Variants in GDI2 observed in about 807,000 individuals in gnomAD.
GDI2 encodes the protein rab GDP dissociation inhibitor beta.
A neutral mutation model predicts 54.2 loss-of-function variants in GDI2; 22 were observed. The observed-to-expected ratio is 0.41, with a 90% CI of 0.29 to 0.58. The LOEUF is 0.58. Ranked by LOEUF, GDI2 falls within the 20% of genes least tolerant of loss-of-function variation. The pLI, the probability that GDI2 is intolerant of heterozygous loss-of-function variation, is 0.35. For synonymous variants in GDI2, 177 were observed against 182.1 expected, an observed-to-expected ratio of 0.97 and a Z score of 0.23; for missense variants, 422 against 546.0, an observed-to-expected ratio of 0.77 and a Z score of 2.26.
rs1841517340 is a variant in GDI2 at position 5,813,381 on chromosome 10, G to T, written c.-123C>A. Reference sequence around the variant, plus strand: ...AAGGGGAAGAGAAAGAGAGGAAAATGGAGCTGGCGACAAGGCGAGACCGAC... The same window carrying T: ...AAGGGGAAGAGAAAGAGAGGAAAATTGAGCTGGCGACAAGGCGAGACCGAC... On this transcript the variant is annotated 5_prime_UTR_variant, in exon 1 of 11. Coordinates refer to ENST00000380191, the MANE Select transcript of GDI2 (RefSeq NM_001494.4). The T allele has an allele frequency of 1.3e-5, 9 of 672,082 alleles. 1 individual carries two copies. The highest frequency in any genetic ancestry group is 2.0e-5 in the Non-Finnish European group (8 of 401,474). 41.6% of individuals were successfully genotyped at this position (672,082 alleles called of 1,614,324 possible).
At chr10:5,777,355 C>T (rs1312211717) in intron 6 of GDI2, among the ~76,000 whole-genome samples, 1 of 152,144 alleles carries the variant, frequency 6.6e-6, no homozygotes, top group Non-Finnish European at 1.5e-5. Context: ...TGCCTGAAAT[C>T]CCAGCTACTC....
At chr10:5,782,655 C>T (rs560420334) in intron 6 of GDI2, among the ~76,000 whole-genome samples, 24 of 152,236 alleles carry the variant, frequency 1.6e-4, no homozygotes, top group African/African-American at 5.3e-4. Context: ...AAGAATTGGC[C>T]AGGCACAATG....
At position 5,776,946 on chromosome 10, in the gene GDI2, T is replaced by C. The variant is rs572222312; in HGVS notation, c.720-3005A>G. On this transcript the variant is annotated intron_variant, in intron 6 of 10. Transcript: ENST00000380191. This position sits in a 1 kb window ranked among gnomAD's most constrained non-coding sequence, Gnocchi z 5.3. ...AAAAAAATTAAAAGGGAAAACCACA[T>C]AGAAGGGTAATCCCGGAAATGCTTC... 167 of 575,144 alleles carry C rather than the reference T, an allele frequency of 2.9e-4. 1 individual carries two copies. The highest frequency in any genetic ancestry group is 8.7e-4 in the Admixed American group (25 of 28,774). 35.6% of individuals were successfully genotyped at this position (575,144 alleles called of 1,614,324 possible).
At chr10:5,793,521 T>C (rs1841063483) in intron 4 of GDI2, among the ~76,000 whole-genome samples, 2 of 152,214 alleles carry the variant, frequency 1.3e-5, no homozygotes, top group African/African-American at 4.8e-5. Context: ...GCTATGTCTT[T>C]AATATTTTAT....
In GDI2 at chr10:5,799,592, T is replaced by C. The variant is rs114966216; in HGVS notation, c.153+1006A>G. On this transcript the variant is annotated intron_variant, in intron 2 of 10. Coordinates refer to ENST00000380191, the MANE Select transcript of GDI2 (RefSeq NM_001494.4). ...ACCTGAACCCAGAAGGTGGAAGCCA[T>C]AGGGAGGCGAGACTGTGCCACTGCA... 8.5e-3 allele frequency among the ~76,000 whole-genome samples: 1,298 copies of C among 152,064 alleles called. 19 individuals are homozygous for C. Among genetic ancestry groups the C allele is most frequent in the African/African-American group, 0.026 (1,073 of 41,488 alleles).
intron 1 of GDI2, among the ~76,000 whole-genome samples, chr10:5,803,542 GCTACAAC>G (rs1194302836): frequency 1.3e-5 from 2 of 152,088 alleles, no homozygotes; most frequent in African/African-American, 2.4e-5. Flanking sequence ...AATATCAATA[GCTACAAC>G]CTTTATAAAC....
At chr10:5,786,295 C>T (rs573867035) in intron 4 of GDI2, among the ~76,000 whole-genome samples, 8 of 151,544 alleles carry the variant, frequency 5.3e-5, no homozygotes, top group Admixed American at 5.3e-4. Context: ...CTCAGCCTCC[C>T]GAGTAGCTGG....
chr10:5,795,127 C>A, intron 3 of GDI2, 108 bp from the exon 4 acceptor site: 1 of 697,692 alleles, frequency 1.4e-6, no homozygotes, highest in East Asian at 2.7e-5. Context: ...TCAATAACTC[C>A]AACAAAATAA....
chr10:5,811,887 T>C lies in GDI2; in HGVS notation c.45+1327A>G, dbSNP rs1173202862. 5.5e-6 allele frequency: 6 copies of C among 1,096,512 alleles called. No individual in the cohort carries two copies. In the East Asian group the frequency reaches 4.0e-4, roughly 73 times the overall value. The allele number at this position is 1,096,512 out of a possible 1,614,324, so 67.9% of individuals were successfully genotyped here. On this transcript the variant is annotated intron_variant, in intron 1 of 10. Coordinates refer to ENST00000380191, the MANE Select transcript of GDI2 (RefSeq NM_001494.4). ...TTCTTCACAAACCTTTCCTAAAAAA[T>C]TAGCCAAATAAAAGTTCGAAGGTTT...
At chr10:5,780,522 TATAAAACTA>T (rs1308412651) in intron 6 of GDI2, among the ~76,000 whole-genome samples, 1 of 133,316 alleles carries the variant, frequency 7.5e-6, no homozygotes, top group African/African-American at 2.6e-5. Flanking sequence ...CTAAGAAATA[TATAAAACTA>T]GAAAAACTAG....
At chr10:5,789,008 C>T (rs1232113748) in intron 4 of GDI2, among the ~76,000 whole-genome samples, 1 of 152,190 alleles carries the variant, frequency 6.6e-6, no homozygotes, top group Admixed American at 6.5e-5. Flanking sequence ...CTCAAGTGAT[C>T]CGCCTGCCTC....
chr10:5,795,960 T>A (rs767076040), intron 3 of GDI2, among the ~76,000 whole-genome samples: 8 of 151,108 alleles, frequency 5.3e-5, no homozygotes, highest in African/African-American at 1.9e-4. Flanking sequence ...GAATATAAAC[T>A]CAAACAAGGA....
intron 5 of GDI2, 65 bp from the exon 6 acceptor site, chr10:5,785,338 A>AT (rs146242680): frequency 3.7e-5 from 46 of 1,231,234 alleles, no homozygotes; most frequent in South Asian, 7.5e-5. Flanking sequence ...TCAATTTATA[A>AT]TTTTTTTTGA....
Position 5,773,900 on chromosome 10 carries a change from G to A in GDI2, c.761C>T (p.Pro254Leu). 1 of 1,562,054 alleles carries A rather than the reference G, an allele frequency of 6.4e-7. No individual in the cohort carries two copies. Among genetic ancestry groups the A allele is most frequent in the African/African-American group, 1.4e-5 (1 of 73,712 alleles). The change falls in exon 7 of 11, where the codon CCC becomes CTC. Residue 254 changes from proline to leucine, a missense_variant. By Grantham distance (98) the Pro-to-Leu change is moderately conservative. Coordinates refer to ENST00000380191, the MANE Select transcript of GDI2 (RefSeq NM_001494.4). ...ATTCTGTACAATGATTTCTTCAATG[G>A]GTTTATTCAGCATATAGGTACCTCC... The part of the protein sequence containing the change: ...IYGGTYMLNK[P>L]IEEIIVQNGK...
In GDI2 at chr10:5,813,194, C is replaced by T. The variant is rs1036045478; in HGVS notation, c.45+20G>A. The T allele has an allele frequency of 6.6e-6, 10 of 1,525,272 alleles. No individual in the cohort carries two copies. The highest frequency in any genetic ancestry group is 2.8e-5 in the African/African-American group (2 of 71,414). The allele number at this position is 1,525,272 out of a possible 1,614,324, so 94.5% of individuals were successfully genotyped here. The stretch of plus-strand genomic sequence containing the variant: ...CCCGCCCCGGCTGCTCAGCCCCGGC[C>T]CCTCAGCCCTGGCGCCCACCGTCAG... On this transcript the variant is annotated intron_variant, in intron 1 of 10. Coordinates refer to ENST00000380191, the MANE Select transcript of GDI2 (RefSeq NM_001494.4).
intron 2 of GDI2, 107 bp from the exon 3 acceptor site, chr10:5,796,969 T>C: frequency 1.7e-6 from 1 of 594,608 alleles, no homozygotes; most frequent in South Asian, 2.3e-5. Context: ...AACACCACCA[T>C]GCTAGTAAAG....
At chr10:5,782,794 G>A (rs10737021) in intron 6 of GDI2, among the ~76,000 whole-genome samples, 84,443 of 151,964 alleles carry the variant, frequency 0.56, 24,124 homozygotes, top group Middle Eastern at 0.67. Flanking sequence ...TTAGCCGGAT[G>A]TGGTGGTGCA....
chr10:5,808,384 C>G (rs1317167271), intron 1 of GDI2, among the ~76,000 whole-genome samples: 1 of 151,498 alleles, frequency 6.6e-6, no homozygotes, highest in African/African-American at 2.4e-5. Context: ...TTTTAAAGTT[C>G]TGTTATGGGC....
intron 6 of GDI2, among the ~76,000 whole-genome samples, chr10:5,779,707 T>G (rs867751362): frequency 9.3e-5 from 14 of 150,532 alleles, no homozygotes; most frequent in Middle Eastern, 6.8e-3. Context: ...TTTTTTTTTT[T>G]GTAAGAGACA....
Sources: gnomAD v4.1 joint callset for allele counts (sites outside exome capture counted in the v4.1 genomes callset) on GRCh38, gnomAD v4.1.1 for gene constraint, Gnocchi (gnomAD v3.1) non-coding constraint, MANE v1.5 for transcripts, NCBI Gene and HGNC (gene_info 2026-07-23, HGNC 2026-07-21) for gene names.